The following ARID3C variants were observed in gnomAD, a reference collection of about 807,000 sequenced individuals.
ARID3C encodes AT-rich interaction domain 3C.
A neutral mutation model predicts 37.9 loss-of-function variants in ARID3C; 42 were observed. That is an observed-to-expected ratio of 1.11 (90% CI 0.87 to 1.43). The LOEUF (loss-of-function observed/expected upper bound fraction) is 1.43. ARID3C is among the 40% of genes most tolerant of loss of function. ARID3C has a pLI of 0.00. For missense variants in ARID3C, 581 were observed against 548.8 expected (o/e 1.06, Z -0.59); for synonymous variants, 213 against 228.0 (o/e 0.93, Z 0.59).
chr9:34,621,916 T>G, intron 6 of ARID3C, 104 bp downstream of exon 7: 1 of 1,162,338 alleles, frequency 8.6e-7, no homozygotes, highest in Non-Finnish European at 1.3e-6. Flanking sequence ...CATGCAAGTT[T>G]AGATATCCCT....
upstream of ARID3C, among the ~76,000 whole-genome samples, chr9:34,630,895 C>T (rs10046833): frequency 0.064 from 9,732 of 152,114 alleles, 1,072 homozygotes; most frequent in African/African-American, 0.22. Context: ...CAATCACTGT[C>T]GGTACTGATG....
chr9:34,628,140 A>G, upstream of ARID3C: 2 of 1,267,618 alleles, frequency 1.6e-6, no homozygotes, highest in East Asian at 2.6e-5. This position sits in a 1 kb window ranked among gnomAD's most constrained non-coding sequence, Gnocchi z 5.2. Flanking sequence ...GAGCCCCCCA[A>G]CACAGGGGGA....
At chr9:34,623,056 G>C (rs1820597228) in intron 4 of ARID3C, among the ~76,000 whole-genome samples, 1 of 148,618 alleles carries the variant, frequency 6.7e-6, no homozygotes, top group Admixed American at 6.8e-5. Context: ...TGAGGCAGGA[G>C]AATCGCTTGA....
upstream of ARID3C, among the ~76,000 whole-genome samples, chr9:34,632,044 T>C (rs1012886021): frequency 2.0e-5 from 3 of 152,260 alleles, no homozygotes; most frequent in Non-Finnish European, 4.4e-5. Context: ...CACACTGTTA[T>C]TTATGCCACA....
At chr9:34,627,982 C>G (rs1820681836) in exon 1 of ARID3C, 2 of 1,520,010 alleles carry the variant, frequency 1.3e-6, no homozygotes, top group Non-Finnish European at 8.8e-7. Flanking sequence ...CCTGGGCCAG[C>G]CGAGCTGCCT....
Position 34,622,336 on chromosome 9 carries a change from C to G in ARID3C, c.1048+11G>C. ...AGTCCCGAAGCCCCCTCACAACAAG[C>G]CCCTCCTCACCCCTCAGGGGAACCT... On this transcript the variant is annotated intron_variant, in intron 5 of 6. Transcript: ENST00000378909. The G allele has an allele frequency of 6.3e-7, 1 of 1,596,236 alleles. No individual in the cohort carries two copies. Among genetic ancestry groups the G allele is most frequent in the Non-Finnish European group, 8.5e-7 (1 of 1,171,294 alleles).
chr9:34,629,843 C>T (rs1370856978), upstream of ARID3C, among the ~76,000 whole-genome samples: 1 of 152,102 alleles, frequency 6.6e-6, no homozygotes, highest in Non-Finnish European at 1.5e-5. Flanking sequence ...GCCTCCGCCT[C>T]CCAGGTTCAA....
upstream of ARID3C, among the ~76,000 whole-genome samples, chr9:34,632,419 G>A (rs948716766): frequency 2.6e-5 from 4 of 152,160 alleles, no homozygotes; most frequent in South Asian, 2.1e-4. Flanking sequence ...CCTTGGAGTA[G>A]GCCCTTGTAA....
Position 34,623,843 on chromosome 9 carries a change from C to T in ARID3C, c.575+21G>A, listed in dbSNP as rs1278133872. 3.2e-6 allele frequency: 5 copies of T among 1,557,822 alleles called. No homozygotes were observed. The Admixed American group carries it at 7.1e-5, about 22-fold the overall frequency. On this transcript the variant is annotated intron_variant, in intron 3 of 6. Transcript: ENST00000378909. ...GCCGAACCCGTGCCCCCTTCCCTTC[C>T]GCTCCCGCCCCTGGCCTCACTGGGT...
upstream of ARID3C, among the ~76,000 whole-genome samples, chr9:34,632,167 T>C (rs999658303): frequency 2.6e-5 from 4 of 152,232 alleles, no homozygotes; most frequent in Non-Finnish European, 4.4e-5. Flanking sequence ...CAAATCACCA[T>C]GCAAGAGATA....
chr9:34,623,829 G>A, intron 3 of ARID3C, 35 bp downstream of exon 4: 1 of 1,531,828 alleles, frequency 6.5e-7, no homozygotes, highest in Non-Finnish European at 8.8e-7. Flanking sequence ...CCGAACCCGT[G>A]CCCCCTTCCC....
chr9:34,631,903 C>T (rs1169601797), upstream of ARID3C, among the ~76,000 whole-genome samples: 5 of 152,162 alleles, frequency 3.3e-5, no homozygotes, highest in African/African-American at 1.2e-4. Context: ...GGGGCCTGTT[C>T]CCCCCGCAAT....
exon 7 of ARID3C, chr9:34,621,415 C>T (rs776704881): frequency 3.7e-6 from 5 of 1,346,316 alleles, no homozygotes; most frequent in South Asian, 1.5e-5. Context: ...TCTCCTCCCC[C>T]CTCAGCAATG....
At position 34,624,059 on chromosome 9, in the gene ARID3C, C is replaced by CG. The variant is rs779187440; in HGVS notation, c.392-13dup. ...GTTCACTGGCGTCCCTGGTGGGGAG[C>CG]GGGCTGCCGTCAGGACACTGAGACG... On this transcript the variant is annotated splice_polypyrimidine_tract_variant and intron_variant, in intron 2 of 6. Transcript: ENST00000378909. 1 of 1,571,860 alleles carries CG rather than the reference C, an allele frequency of 6.4e-7. No homozygotes were observed. Among genetic ancestry groups the CG allele is most frequent in the African/African-American group, 1.3e-5 (1 of 74,418 alleles).
upstream of ARID3C, among the ~76,000 whole-genome samples, chr9:34,631,739 A>G (rs1820724831): frequency 6.6e-6 from 1 of 152,176 alleles, no homozygotes; most frequent in Non-Finnish European, 1.5e-5. Flanking sequence ...AAAAACATTT[A>G]TTTTCTCACA....
intron 5 of ARID3C, 31 bp downstream of exon 6, chr9:34,622,316 C>G (rs138550382): frequency 1.9e-6 from 3 of 1,584,394 alleles, no homozygotes; most frequent in East Asian, 4.5e-5. Flanking sequence ...TGTACAGTCC[C>G]GAAGCCCCCT....
chr9:34,629,877 C>G (rs1483074651), upstream of ARID3C, among the ~76,000 whole-genome samples: 3 of 152,074 alleles, frequency 2.0e-5, no homozygotes, highest in Non-Finnish European at 4.4e-5. Flanking sequence ...CTCAGCCTCC[C>G]GAATAGCTGG....
intron 2 of ARID3C, among the ~76,000 whole-genome samples, chr9:34,624,632 C>T (rs1046214576): frequency 6.6e-6 from 1 of 152,216 alleles, no homozygotes; most frequent in Non-Finnish European, 1.5e-5. Flanking sequence ...CCGCCGACTC[C>T]GCAGCCCGCG....
At chr9:34,624,224 G>C (rs1036609961) in intron 2 of ARID3C, among the ~76,000 whole-genome samples, 177 bp from the exon 4 acceptor site, 3 of 151,572 alleles carry the variant, frequency 2.0e-5, no homozygotes, top group East Asian at 1.9e-4. Flanking sequence ...TAGAACGGGG[G>C]GGGGCAAAGT....
Sources: gnomAD v4.1 joint callset for allele counts (sites outside exome capture counted in the v4.1 genomes callset) on GRCh38, gnomAD v4.1.1 for gene constraint, Gnocchi (gnomAD v3.1) non-coding constraint, MANE v1.5 for transcripts, NCBI Gene and HGNC (gene_info 2026-07-23, HGNC 2026-07-21) for gene names.